Variants in RRP9 observed in about 807,000 individuals in gnomAD.
The protein encoded by RRP9 is U3 small nucleolar RNA-interacting protein 2.
A neutral mutation model predicts 65.5 loss-of-function variants in RRP9; 35 were observed. The ratio of observed to expected loss-of-function variants is 0.53; its 90% CI spans 0.41 to 0.71. RRP9 has a LOEUF of 0.71. Among genes scored for constraint, RRP9 ranks in the 30% least tolerant of loss-of-function variants. The pLI, the probability that RRP9 is intolerant of heterozygous loss-of-function variation, is 0.00. For synonymous variants in RRP9, 254 were observed against 245.0 expected, an observed-to-expected ratio of 1.04 and a Z score of -0.34; for missense variants, 533 against 633.6, an observed-to-expected ratio of 0.84 and a Z score of 1.70.
At chr3:51,933,870 G>T in intron 13 of RRP9, 89 bp from the exon 14 acceptor site, 3 of 1,308,644 alleles carry the variant, frequency 2.3e-6, no homozygotes, top group Non-Finnish European at 3.3e-6. Context: ...GCCTTATCAG[G>T]CCTGGGTTAA....
At position 51,937,328 on chromosome 3, in the gene RRP9, CAG is replaced by C; in HGVS notation, c.391-12_391-11del. On this transcript the variant is annotated splice_polypyrimidine_tract_variant and intron_variant, in intron 5 of 14. Transcript: ENST00000232888. This position sits in a 1 kb window ranked among gnomAD's most constrained non-coding sequence, Gnocchi z 5.0. ...AGGCTGGGGCCTGGATCTGGGCAGA[CAG>C]GGGCCAGGTCACTGTGGCTAGTGGC... 4.3e-6 allele frequency: 7 copies of C among 1,614,014 alleles called. No individual in the cohort carries two copies. The highest frequency in any genetic ancestry group is 1.1e-5 in the South Asian group (1 of 91,066).
intron 6 of RRP9, 92 bp from the exon 7 acceptor site, chr3:51,936,647 T>C (rs1699462922): frequency 1.0e-5 from 14 of 1,390,834 alleles, no homozygotes; most frequent in Admixed American, 3.7e-5. Flanking sequence ...AAAAGAGCCA[T>C]GGCAAATGTC....
In RRP9 at chr3:51,934,750, T is replaced by C. The variant is rs1345754024; in HGVS notation, c.1061A>G (p.Lys354Arg). 1 of 1,613,968 alleles carries C rather than the reference T, an allele frequency of 6.2e-7. No homozygotes were observed. Among genetic ancestry groups the C allele is most frequent in the Admixed American group, 1.7e-5 (1 of 60,022 alleles). ...DGSVALWGLS[K>R]KRPLALQREA... ...ACGCTGCAGGGCAAGTGGTCGCTTC[T>C]TGGAGAGACCCCACAAGGCCACAGA... is the stretch of plus-strand genomic sequence containing the variant. The change falls in exon 12 of 15, where the codon AAG becomes AGG. Residue 354 changes from lysine to arginine, a missense_variant. Physicochemically the swap from Lys to Arg is conservative, Grantham distance 26. Coordinates refer to ENST00000232888, the MANE Select transcript of RRP9 (RefSeq NM_004704.5). The surrounding 1 kb of genome is among the most constrained non-coding windows in gnomAD (Gnocchi z 4.1).
chr3:51,934,873 C>G lies in RRP9; in HGVS notation c.1035-97G>C. The stretch of plus-strand genomic sequence containing the variant: ...TTAATGCTTGAGGGGATGGATACCC[C>G]ATTTCCCATGATGTGATTATTACAT... On this transcript the variant is annotated intron_variant, in intron 11 of 14. Transcript: ENST00000232888. This position sits in a 1 kb window ranked among gnomAD's most constrained non-coding sequence, Gnocchi z 4.1. The G allele has an allele frequency of 7.6e-7, 1 of 1,312,490 alleles. No individual in the cohort carries two copies. The highest frequency in any genetic ancestry group is 1.1e-6 in the Non-Finnish European group (1 of 949,408). 81.3% of individuals were successfully genotyped at this position (1,312,490 alleles called of 1,614,324 possible).
Position 51,935,201 on chromosome 3 carries a change from C to G in RRP9, c.1030G>C (p.Asp344His). The change falls in exon 11 of 15, where the codon GAT becomes CAT. Residue 344 changes from aspartate (D) to histidine (H), a missense_variant. Transcript: ENST00000232888. ...GACATCCAAAGGACCTCTTACCCAT[C>G]GTCCGCGCCGGACACCATGTGCTCC... ...NEEHMVSGAD[D>H]GSVALWGLSK... 6.2e-7 allele frequency: 1 copy of G among 1,613,456 alleles called. No homozygotes were observed. The highest frequency in any genetic ancestry group is 8.5e-7 in the Non-Finnish European group (1 of 1,179,648).
Position 51,934,845 on chromosome 3 carries a change from G to A in RRP9, c.1035-69C>T. ...GAAAAGGCCCCCTGTGTAACACAAAGGATTAATGCTTGAGGGGATGGATAC... is the reference window on the plus strand; with the variant it reads ...GAAAAGGCCCCCTGTGTAACACAAAAGATTAATGCTTGAGGGGATGGATAC... On this transcript the variant is annotated intron_variant, in intron 11 of 14. Coordinates refer to ENST00000232888, the MANE Select transcript of RRP9 (RefSeq NM_004704.5). The surrounding 1 kb of genome is among the most constrained non-coding windows in gnomAD (Gnocchi z 4.1). 6.6e-7 allele frequency: 1 copy of A among 1,516,004 alleles called. No homozygotes were observed. 93.9% of individuals were successfully genotyped at this position (1,516,004 alleles called of 1,614,324 possible). A position where few individuals can be genotyped will look rare whatever the true frequency, so the allele number is the denominator to read the frequency against.
chr3:51,939,444 A>G (rs1699492149), intron 2 of RRP9, among the ~76,000 whole-genome samples: 1 of 152,228 alleles, frequency 6.6e-6, no homozygotes, highest in African/African-American at 2.4e-5. Flanking sequence ...CTATGATTCC[A>G]TTTACAGGGC....
In RRP9 at chr3:51,937,740, T is replaced by C; in HGVS notation, c.281-4A>G. On this transcript the variant is annotated splice_polypyrimidine_tract_variant and splice_region_variant and intron_variant, in intron 3 of 14. Coordinates refer to ENST00000232888, the MANE Select transcript of RRP9 (RefSeq NM_004704.5). The surrounding 1 kb of genome is among the most constrained non-coding windows in gnomAD (Gnocchi z 5.0). ...CGGGCCTCAGCCTTCTCCTCCTCTG[T>C]GCAGGACAGACCAGACCAAGTAAAC... The C allele has an allele frequency of 3.1e-6, 5 of 1,613,972 alleles. No homozygotes were observed. In the South Asian group the frequency reaches 5.5e-5, roughly 18 times the overall value.
chr3:51,935,250 G>A lies in RRP9; in HGVS notation c.981C>T (p.Ile327=), dbSNP rs934457940. The change falls in exon 11 of 15, where the codon ATC becomes ATT. Residue 327 remains isoleucine, a synonymous_variant. Transcript: ENST00000232888. ...QLVFYGHQGS[I]DCIHLINEEH... Reference sequence around the variant, plus strand: ...CCTCATTGATTAGGTGGATGCAGTCGATGGAGCCCCTGGAGAAAGGGGCTG... The same window carrying A: ...CCTCATTGATTAGGTGGATGCAGTCAATGGAGCCCCTGGAGAAAGGGGCTG... 12 of 1,614,074 alleles carry A rather than the reference G, an allele frequency of 7.4e-6. No homozygotes were observed. The highest frequency in any genetic ancestry group is 4.4e-5 in the South Asian group (4 of 91,080).
rs144222078 is a variant in RRP9 at position 51,935,207 on chromosome 3, C to T, written c.1024G>A (p.Ala342Thr). Residue 342 changes from alanine (A) to threonine (T), a missense_variant, in exon 11 of 15, where the codon GCG becomes ACG. Physicochemically the swap from Ala to Thr is moderately conservative, Grantham distance 58. Around this residue, in one of 3 missense-constraint regions of RRP9, gnomAD observed 449 missense variants for 550.6 expected, o/e 0.82. Transcript: ENST00000232888. ...LINEEHMVSG[A>T]DDGSVALWGL... is the part of the protein sequence containing the mutation. ...CAAAGGACCTCTTACCCATCGTCCG[C>T]GCCGGACACCATGTGCTCCTCATTG... 3.2e-4 allele frequency: 518 copies of T among 1,614,158 alleles called. 8 individuals are homozygous for T. In the East Asian group the frequency reaches 0.011, roughly 33 times the overall value.
chr3:51,936,246 C>T lies in RRP9; in HGVS notation c.735+11G>A. 1 of 1,613,030 alleles carries T rather than the reference C, an allele frequency of 6.2e-7. No individual in the cohort carries two copies. The highest frequency in any genetic ancestry group is 8.5e-7 in the Non-Finnish European group (1 of 1,178,970). On this transcript the variant is annotated intron_variant, in intron 8 of 14. Transcript: ENST00000232888. ...CACTAAAGATCCACTGACATAGACC[C>T]AGCTCCTCACCGACACTGCATCCCG...
In RRP9 at chr3:51,935,334, C is replaced by T. The variant is rs992909224; in HGVS notation, c.971+8G>A. On this transcript the variant is annotated splice_region_variant and intron_variant, in intron 10 of 14. Coordinates refer to ENST00000232888, the MANE Select transcript of RRP9 (RefSeq NM_004704.5). ...TGTAGCCCCCACTGGCATGGCAGGC[C>T]ACCTTACTGGTGGCCATAGAAGACA... 3 of 1,614,134 alleles carry T rather than the reference C, an allele frequency of 1.9e-6. No homozygotes were observed. The highest frequency in any genetic ancestry group is 2.5e-6 in the Non-Finnish European group (3 of 1,179,998).
rs542956950 is a variant in RRP9, at chr3:51,940,053, TCGAGA to T, written c.170+1351_170+1355del. On this transcript the variant is annotated intron_variant, in intron 2 of 14. Transcript: ENST00000232888. ...GGGCGGATCACTTGAGGTCAGGAGTTCGAGACCAGCCTGGCCAACATGGTGAAACT... is the reference window on the plus strand; with the variant it reads ...GGGCGGATCACTTGAGGTCAGGAGTTCCAGCCTGGCCAACATGGTGAAACT... Among the ~76,000 whole-genome samples the T allele has an allele frequency of 2.5e-4, 38 of 152,294 alleles. No individual in the cohort carries two copies. In the East Asian group the frequency reaches 7.3e-3, roughly 29 times the overall value.
At position 51,936,333 on chromosome 3, in the gene RRP9, C is replaced by T; in HGVS notation, c.659G>A (p.Ser220Asn). The T allele has an allele frequency of 1.2e-6, 2 of 1,614,210 alleles. No individual in the cohort carries two copies. Among genetic ancestry groups the T allele is most frequent in the South Asian group, 2.2e-5 (2 of 91,088 alleles). Residue 220 changes from serine to asparagine, a missense_variant, in exon 8 of 15, where the codon AGC becomes AAC. Ser to Asn is a conservative substitution (Grantham distance 46). Coordinates refer to ENST00000232888, the MANE Select transcript of RRP9 (RefSeq NM_004704.5). ...DGKYLASGDR[S>N]KLILIWEAQS... ...GGCCTCCCAAATGAGAATGAGCTTGCTGCGGTCACCAGAGGCCTGCAGGGA... is the reference window on the plus strand; with the variant it reads ...GGCCTCCCAAATGAGAATGAGCTTGTTGCGGTCACCAGAGGCCTGCAGGGA...
chr3:51,940,560 C>G lies in RRP9; in HGVS notation c.170+849G>C, dbSNP rs1299454341. On this transcript the variant is annotated intron_variant, in intron 2 of 14. Transcript: ENST00000232888. ...TTTAGAGACAGGATCTTGCTGTCAC[C>G]CAGACTGGAGAGCAGTGCATGATCA... is the stretch of plus-strand genomic sequence containing the variant. 5.9e-5 allele frequency among the ~76,000 whole-genome samples: 9 copies of G among 152,238 alleles called. No homozygotes were observed. The South Asian group carries it at 1.9e-3, about 32-fold the overall frequency.
At chr3:51,935,169 G>A (rs1432223818) in intron 11 of RRP9, 28 bp downstream of exon 11, 1 of 1,613,336 alleles carries the variant, frequency 6.2e-7, no homozygotes, top group Admixed American at 1.7e-5. Flanking sequence ...CAGAAGCCGT[G>A]GCCAGAGACA....
rs375951264 is a variant in RRP9, at chr3:51,936,423, G to A, written c.642+8C>T. On this transcript the variant is annotated splice_region_variant and intron_variant, in intron 7 of 14. Transcript: ENST00000232888. ...TCCCGCCTGCCCCCAGGGCCAACCT[G>A]GCCTTACAAGGTACTTGCCGTCGGA... is the stretch of plus-strand genomic sequence containing the variant. 2.5e-6 allele frequency: 4 copies of A among 1,614,228 alleles called. No homozygotes were observed. The highest frequency in any genetic ancestry group is 3.4e-6 in the Non-Finnish European group (4 of 1,180,042).
At chr3:51,938,843 A>G (rs929538002) in intron 2 of RRP9, among the ~76,000 whole-genome samples, 7 of 152,130 alleles carry the variant, frequency 4.6e-5, no homozygotes, top group Non-Finnish European at 2.9e-5. Flanking sequence ...ATCAGATCCA[A>G]GGACCCACCA....
intron 6 of RRP9, among the ~76,000 whole-genome samples, 186 bp from the exon 7 acceptor site, chr3:51,936,741 T>C (rs1371753831): frequency 6.6e-6 from 1 of 152,068 alleles, no homozygotes; most frequent in African/African-American, 2.4e-5. Flanking sequence ...AAGAGGGACA[T>C]TAGTGCCAAA....
Sources: allele counts gnomAD v4.1 joint callset (sites outside exome capture counted in the v4.1 genomes callset), GRCh38; gene constraint gnomAD v4.1.1; regional missense constraint gnomAD v4.1.1; non-coding constraint Gnocchi (gnomAD v3.1); transcripts MANE v1.5; gene names NCBI Gene and HGNC (gene_info 2026-07-23, HGNC 2026-07-21).